The following EVC2 variants were observed in gnomAD, a reference collection of about 807,000 sequenced individuals.
EVC2 encodes EvC ciliary complex subunit 2.
EVC2 carries 148 observed loss-of-function variants against 149.3 expected under a neutral mutation model. That is an observed-to-expected ratio of 0.99 (90% confidence interval 0.87 to 1.14). The LOEUF (loss-of-function observed/expected upper bound fraction) is 1.14. Ranked by LOEUF, EVC2 falls within the 50% of genes most tolerant of loss-of-function variation. The pLI is 0.00. For missense variants in EVC2, 1,854 were observed against 1,627.3 expected, an observed-to-expected ratio of 1.14 and a Z score of -2.40; for synonymous variants, 776 against 649.9, an observed-to-expected ratio of 1.19 and a Z score of -2.95.
chr4:5,654,553 T>C (rs894547421), intron 9 of EVC2, among the ~76,000 whole-genome samples: 2 of 152,152 alleles, frequency 1.3e-5, no homozygotes, highest in Non-Finnish European at 2.9e-5. Flanking sequence ...CTCCAATCTT[T>C]GGTGGGCAAT....
downstream of EVC2, among the ~76,000 whole-genome samples, chr4:5,562,114 A>G (rs971634480): frequency 6.6e-6 from 1 of 152,190 alleles, no homozygotes; most frequent in East Asian, 1.9e-4. The surrounding 1 kb of genome is among the most constrained non-coding windows in gnomAD (Gnocchi z 4.3). Flanking sequence ...GAGGGCTGTT[A>G]TGTGTCCATG....
chr4:5,626,670 C>T (rs1466524141), intron 12 of EVC2, among the ~76,000 whole-genome samples: 1 of 152,070 alleles, frequency 6.6e-6, no homozygotes, highest in Non-Finnish European at 1.5e-5. Context: ...GAGGGTGTTT[C>T]CAGTGGAGAT....
intron 9 of EVC2, among the ~76,000 whole-genome samples, chr4:5,641,707 A>G (rs6834027): frequency 0.66 from 99,790 of 152,088 alleles, 32,941 homozygotes; most frequent in African/African-American, 0.72. Context: ...AAGACAAATA[A>G]AAAAAGGATT....
chr4:5,659,880 T>G (rs762264942), intron 9 of EVC2, among the ~76,000 whole-genome samples: 6 of 152,378 alleles, frequency 3.9e-5, no homozygotes, highest in Non-Finnish European at 7.3e-5. Context: ...TACCACATAC[T>G]TGCAAATTAA....
intron 16 of EVC2, among the ~76,000 whole-genome samples, chr4:5,602,535 T>C (rs1257780916): frequency 2.0e-5 from 3 of 151,770 alleles, no homozygotes; most frequent in Admixed American, 6.6e-5. Context: ...AAAGAGCTGA[T>C]AAGTGGTCCA....
chr4:5,538,880 C>T (rs758869420), downstream of EVC2, among the ~76,000 whole-genome samples: 1 of 152,034 alleles, frequency 6.6e-6, no homozygotes, highest in Non-Finnish European at 1.5e-5. Context: ...GGTGAACAAC[C>T]GAATCGAAAC....
At chr4:5,555,049 C>A (rs1481627722) in intron 21 of EVC2, among the ~76,000 whole-genome samples, 1 of 89,326 alleles carries the variant, frequency 1.1e-5, no homozygotes, top group Non-Finnish European at 2.2e-5. Context: ...TGTGTCTCTG[C>A]ACATGCATGT....
chr4:5,565,787 T>C (rs1722246498), intron 20 of EVC2, among the ~76,000 whole-genome samples: 5 of 152,156 alleles, frequency 3.3e-5, no homozygotes, highest in Non-Finnish European at 7.3e-5. Context: ...CACCATTTAT[T>C]CTTTCACTCA....
At chr4:5,596,474 G>A (rs1268019685) in intron 16 of EVC2, among the ~76,000 whole-genome samples, 1 of 152,102 alleles carries the variant, frequency 6.6e-6, no homozygotes, top group Admixed American at 6.5e-5. Flanking sequence ...TGACTACTGG[G>A]TACATAACAA....
chr4:5,586,659 T>A lies in EVC2; in HGVS notation c.2830-1809A>T, dbSNP rs191119782. ...ACCTTGGTCTCCACAACCCCCTTAG[T>A]GTAACCCAGATGTTCCTTTCTATTG... On this transcript the variant is annotated intron_variant, in intron 16 of 21. Transcript: ENST00000344408. 4.8e-3 allele frequency among the ~76,000 whole-genome samples: 730 copies of A among 152,292 alleles called. 14 individuals carry two copies. Among genetic ancestry groups the A allele is most frequent in the Admixed American group, 0.044 (666 of 15,302 alleles).
chr4:5,536,790 A>C, the EVC2 span, among the ~76,000 whole-genome samples: 1 of 152,014 alleles, frequency 6.6e-6, no homozygotes, highest in Non-Finnish European at 1.5e-5. Context: ...TCTCAAAAAA[A>C]AAAAAATAGT....
chr4:5,653,438 T>G (rs1718283167), intron 9 of EVC2, among the ~76,000 whole-genome samples: 1 of 152,212 alleles, frequency 6.6e-6, no homozygotes, highest in South Asian at 2.1e-4. Context: ...ACTAAGATCC[T>G]TTGCAGTATC....
chr4:5,592,106 G>A (rs1712861471), intron 16 of EVC2, among the ~76,000 whole-genome samples: 1 of 152,188 alleles, frequency 6.6e-6, no homozygotes, highest in Non-Finnish European at 1.5e-5. Context: ...GCAAGGGTGA[G>A]CTAGCTAGGT....
chr4:5,621,027 A>G (rs1047169690), intron 14 of EVC2, among the ~76,000 whole-genome samples: 1 of 152,234 alleles, frequency 6.6e-6, no homozygotes, highest in Non-Finnish European at 1.5e-5. Context: ...AAAAGCTAAC[A>G]AGGATTAAAA....
intron 9 of EVC2, among the ~76,000 whole-genome samples, chr4:5,646,064 T>C (rs1015418662): frequency 1.3e-5 from 2 of 152,174 alleles, no homozygotes; most frequent in African/African-American, 4.8e-5. Context: ...CCTGAGTACC[T>C]GGGATTACAG....
chr4:5,606,798 T>C (rs1560159591), intron 16 of EVC2, among the ~76,000 whole-genome samples: 2 of 152,240 alleles, frequency 1.3e-5, no homozygotes, highest in African/African-American at 2.4e-5. Flanking sequence ...GTTGACATTA[T>C]GACTGCATAA....
intron 12 of EVC2, among the ~76,000 whole-genome samples, chr4:5,627,256 G>A (rs1716183464): frequency 6.6e-6 from 1 of 152,176 alleles, no homozygotes; most frequent in Admixed American, 6.5e-5. Context: ...ACATGTTTTA[G>A]AAATATAATT....
At chr4:5,646,986 C>T (rs1044806705) in intron 9 of EVC2, among the ~76,000 whole-genome samples, 3 of 152,182 alleles carry the variant, frequency 2.0e-5, no homozygotes, top group Admixed American at 2.0e-4. Context: ...ACCTTGGAAG[C>T]TATGTCTGTG....
chr4:5,707,590 A>G (rs1313584836), intron 1 of EVC2, among the ~76,000 whole-genome samples: 1 of 152,050 alleles, frequency 6.6e-6, no homozygotes, highest in African/African-American at 2.4e-5. Context: ...GAAAACCATC[A>G]CCAAGGGCTG....
Sources: gnomAD v4.1 joint callset for allele counts (sites outside exome capture counted in the v4.1 genomes callset) on GRCh38, gnomAD v4.1.1 for gene constraint, Gnocchi (gnomAD v3.1) non-coding constraint, MANE v1.5 for transcripts, NCBI Gene and HGNC (gene_info 2026-07-23, HGNC 2026-07-21) for gene names.